Variants in RHBDL3 observed in about 807,000 individuals in gnomAD.
RHBDL3 encodes the protein rhomboid-related protein 3.
A neutral mutation model predicts 48.2 loss-of-function variants in RHBDL3; 28 were observed. The ratio of observed to expected loss-of-function variants is 0.58; its 90% CI spans 0.43 to 0.80. RHBDL3 has a LOEUF of 0.80. RHBDL3 is among the 30% of genes least tolerant of loss of function. The probability of loss-of-function intolerance (pLI) is 0.00; values close to 1 mark genes in which losing one functional copy is unlikely to be tolerated. For missense variants in RHBDL3, 464 were observed against 542.7 expected (o/e 0.85, Z 1.44); for synonymous variants, 208 against 232.3 (o/e 0.90, Z 0.95).
chr17:32,275,784 T>C (rs1424200438), intron 2 of RHBDL3, among the ~76,000 whole-genome samples: 2 of 152,158 alleles, frequency 1.3e-5, no homozygotes, highest in Admixed American at 6.5e-5. Context: ...CTGAGCTGCC[T>C]CCCGCACCCC....
intron 7 of RHBDL3, among the ~76,000 whole-genome samples, chr17:32,314,357 G>A (rs1187750231): frequency 2.6e-5 from 4 of 152,048 alleles, no homozygotes; most frequent in Non-Finnish European, 4.4e-5. Context: ...GAATAATGCT[G>A]CTATGAACAT....
Position 32,280,146 on chromosome 17 carries a change from T to C in RHBDL3, c.136-4513T>C, listed in dbSNP as rs1402633690. ...TTGGCCGCCCCTCCCTCCAAGGCAC[T>C]GAGCCCTATTCAGGAGGCAGCTTCC... On this transcript the variant is annotated intron_variant, in intron 2 of 8. Transcript: ENST00000269051. Among the ~76,000 whole-genome samples the C allele has an allele frequency of 2.0e-5, 3 of 152,198 alleles. 1 individual carries two copies. Among genetic ancestry groups the C allele is most frequent in the Middle Eastern group, 6.3e-3 (2 of 316 alleles).
intron 1 of RHBDL3, among the ~76,000 whole-genome samples, chr17:32,266,604 T>C (rs1460671904): frequency 2.0e-5 from 3 of 152,070 alleles, no homozygotes; most frequent in African/African-American, 7.2e-5. Flanking sequence ...ACACGGCGTT[T>C]TCCCGCAGAG....
chr17:32,276,804 G>A (rs368449034), intron 2 of RHBDL3, among the ~76,000 whole-genome samples: 6,623 of 65,170 alleles, frequency 0.1, 201 homozygotes, highest in Non-Finnish European at 0.11. Flanking sequence ...ACCTTACTCC[G>A]GCCCTAGCAC....
At chr17:32,276,517 A>T (rs1399806018) in intron 2 of RHBDL3, among the ~76,000 whole-genome samples, 1 of 152,118 alleles carries the variant, frequency 6.6e-6, no homozygotes, top group Non-Finnish European at 1.5e-5. Flanking sequence ...CTGCTGAACC[A>T]CAAACCCCTG....
At chr17:32,299,507 C>G (rs1013085273) in intron 6 of RHBDL3, among the ~76,000 whole-genome samples, 1 of 152,236 alleles carries the variant, frequency 6.6e-6, no homozygotes, top group Non-Finnish European at 1.5e-5. Context: ...ATCCTGACAT[C>G]TGAGGATTGA....
Position 32,321,487 on chromosome 17 carries a change from G to T in RHBDL3, c.*258G>T. 1 of 997,198 alleles carries T rather than the reference G, an allele frequency of 1.0e-6. No homozygotes were observed. Among genetic ancestry groups the T allele is most frequent in the Non-Finnish European group, 1.4e-6 (1 of 696,768 alleles). 61.8% of individuals were successfully genotyped at this position (997,198 alleles called of 1,614,324 possible). A position where few individuals can be genotyped will look rare whatever the true frequency, so the allele number is the denominator to read the frequency against. ...CATCGGGCCAGGGTGAAGGTCTGGGGTGGGGTGTGAGAGTGGCCCTCCCTC... is the reference window on the plus strand; with the variant it reads ...CATCGGGCCAGGGTGAAGGTCTGGGTTGGGGTGTGAGAGTGGCCCTCCCTC... On this transcript the variant is annotated 3_prime_UTR_variant, in exon 9 of 9. Coordinates refer to ENST00000269051, the MANE Select transcript of RHBDL3 (RefSeq NM_138328.3).
At chr17:32,308,282 T>C (rs1373342750) in intron 7 of RHBDL3, among the ~76,000 whole-genome samples, 2 of 152,152 alleles carry the variant, frequency 1.3e-5, no homozygotes, top group Non-Finnish European at 2.9e-5. Flanking sequence ...TGGGGAGCCC[T>C]TCTCCAGGAG....
intron 6 of RHBDL3, among the ~76,000 whole-genome samples, chr17:32,299,818 C>T (rs1183665799): frequency 1.3e-5 from 2 of 152,296 alleles, no homozygotes; most frequent in African/African-American, 2.4e-5. Context: ...ACATGGCGTG[C>T]ACTGTTCTGT....
chr17:32,274,720 G>A (rs2039852832), intron 2 of RHBDL3, among the ~76,000 whole-genome samples: 1 of 152,316 alleles, frequency 6.6e-6, no homozygotes, highest in South Asian at 2.1e-4. Flanking sequence ...AATAAAAAGG[G>A]AAAGTGAGGT....
At chr17:32,296,774 TTTTTTA>T (rs1366713234) in intron 5 of RHBDL3, among the ~76,000 whole-genome samples, 3 of 145,018 alleles carry the variant, frequency 2.1e-5, no homozygotes, top group Non-Finnish European at 4.5e-5. Flanking sequence ...CCCGTAGCTC[TTTTTTA>T]TTTTATTTTA....
chr17:32,302,394 TCA>T (rs2040604348), intron 6 of RHBDL3, among the ~76,000 whole-genome samples: 2 of 152,102 alleles, frequency 1.3e-5, no homozygotes, highest in African/African-American at 4.8e-5. Flanking sequence ...TCTTGCTCTG[TCA>T]TCCAGGCTGG....
rs140645420 is a variant in RHBDL3, at chr17:32,288,805, G to A, written c.308G>A (p.Arg103His). 8.7e-6 allele frequency: 14 copies of A among 1,611,802 alleles called. No homozygotes were observed. The East Asian group carries it at 8.9e-5, about 10-fold the overall frequency. Reference protein sequence around the residue: ...QDFVSLMSNKRSNSFRQAILQ... With the variant: ...QDFVSLMSNKHSNSFRQAILQ... ...TTTCCTGCACAGATGAGCAACAAGC[G>A]TTCCAACAGCTTCCGCCAAGCCATC... is the stretch of plus-strand genomic sequence containing the variant. The change falls in exon 4 of 9, where the codon CGT becomes CAT. Residue 103 changes from arginine to histidine, a missense_variant. Coordinates refer to ENST00000269051, the MANE Select transcript of RHBDL3 (RefSeq NM_138328.3).
intron 2 of RHBDL3, among the ~76,000 whole-genome samples, chr17:32,281,626 T>C (rs1425328408): frequency 6.6e-6 from 1 of 151,976 alleles, no homozygotes; most frequent in Non-Finnish European, 1.5e-5. Flanking sequence ...AGGTGGCTTG[T>C]AGAGATGGGA....
chr17:32,289,820 C>T (rs1436833794), intron 4 of RHBDL3, among the ~76,000 whole-genome samples: 1 of 152,172 alleles, frequency 6.6e-6, no homozygotes, highest in Non-Finnish European at 1.5e-5. Flanking sequence ...GTTTCTCTTC[C>T]AAAGCCACGG....
chr17:32,278,821 G>T lies in RHBDL3; in HGVS notation c.136-5838G>T, dbSNP rs182052315. On this transcript the variant is annotated intron_variant, in intron 2 of 8. Transcript: ENST00000269051. ...CAAGTTAGGACACTTTGAGAGTAAAGGAGCTACTGTAAATCACACTCAAGG... is the reference window on the plus strand; with the variant it reads ...CAAGTTAGGACACTTTGAGAGTAAATGAGCTACTGTAAATCACACTCAAGG... Among the ~76,000 whole-genome samples, 202 of 152,254 alleles carry T rather than the reference G, an allele frequency of 1.3e-3. 1 individual carries two copies. The highest frequency in any genetic ancestry group is 4.8e-3 in the African/African-American group (199 of 41,538).
Position 32,322,710 on chromosome 17 carries a change from C to T in RHBDL3, c.*1481C>T, listed in dbSNP as rs1369474543. The T allele has an allele frequency of 6.6e-6, 1 of 152,198 alleles. No individual in the cohort carries two copies. The highest frequency in any genetic ancestry group is 1.9e-4 in the East Asian group (1 of 5,190). 9.4% of individuals were successfully genotyped at this position (152,198 alleles called of 1,614,324 possible). A position where few individuals can be genotyped will look rare whatever the true frequency, so the allele number is the denominator to read the frequency against. ...GGAGAGAACATGGTGGTTATCAAATCCACCCCACCCCATTACACAGGTGAG... is the reference window on the plus strand; with the variant it reads ...GGAGAGAACATGGTGGTTATCAAATTCACCCCACCCCATTACACAGGTGAG... On this transcript the variant is annotated 3_prime_UTR_variant, in exon 9 of 9. Transcript: ENST00000269051.
chr17:32,276,687 T>TCCA (rs1340812292), intron 2 of RHBDL3, among the ~76,000 whole-genome samples: 1 of 150,728 alleles, frequency 6.6e-6, no homozygotes, highest in Non-Finnish European at 1.5e-5. Context: ...AGCACCGTAC[T>TCCA]CCAGCCCTAG....
intron 4 of RHBDL3, among the ~76,000 whole-genome samples, chr17:32,290,205 A>G (rs2040294823): frequency 6.6e-6 from 1 of 152,182 alleles, no homozygotes; most frequent in Non-Finnish European, 1.5e-5. Flanking sequence ...AGCCCAGAAG[A>G]TTTTAACCCA....
Sources: gnomAD v4.1 joint callset for allele counts (sites outside exome capture counted in the v4.1 genomes callset) on GRCh38, gnomAD v4.1.1 for gene constraint, MANE v1.5 for transcripts, NCBI Gene and HGNC (gene_info 2026-07-23, HGNC 2026-07-21) for gene names.